The following PREX2 variants were observed in gnomAD, a reference collection of about 807,000 sequenced individuals.
PREX2 encodes the protein phosphatidylinositol 3,4,5-trisphosphate-dependent Rac exchanger 2 protein.
PREX2 carries 107 observed loss-of-function variants against 203.2 expected under a neutral mutation model. That is an observed-to-expected ratio of 0.53 (90% CI 0.45 to 0.62). The LOEUF (loss-of-function observed/expected upper bound fraction) is 0.62. Ranked by LOEUF, PREX2 falls within the 20% of genes least tolerant of loss-of-function variation. The pLI is 0.00. For synonymous variants in PREX2, 672 were observed against 663.6 expected (o/e 1.01, Z -0.19); for missense variants, 1,777 against 1,955.9 (o/e 0.91, Z 1.72).
At chr8:67,965,541 A>C (rs943378016) in intron 1 of PREX2, among the ~76,000 whole-genome samples, 1 of 152,004 alleles carries the variant, frequency 6.6e-6, no homozygotes, top group African/African-American at 2.4e-5. Flanking sequence ...GTATATGTAT[A>C]TATATACACA....
At chr8:67,955,170 A>AAAAAAAT (rs1554556251) in intron 1 of PREX2, among the ~76,000 whole-genome samples, 52 of 139,472 alleles carry the variant, frequency 3.7e-4, no homozygotes, top group African/African-American at 7.7e-4. Context: ...AAAAAAAAAA[A>AAAAAAAT]AGAAATCATA....
chr8:68,080,215 T>TA lies in PREX2; in HGVS notation c.1643-222dup, dbSNP rs558149746. On this transcript the variant is annotated intron_variant, in intron 15 of 39. Coordinates refer to ENST00000288368, the MANE Select transcript of PREX2 (RefSeq NM_024870.4). ...GCCTTAGAAGAAATACTATTTGTTT[T>TA]AAAAAATTCAAAATCCTGTGGGTAA... Among the ~76,000 whole-genome samples, 24 of 152,134 alleles carry TA rather than the reference T, an allele frequency of 1.6e-4. No individual in the cohort carries two copies. In the East Asian group the frequency reaches 4.6e-3, roughly 29 times the overall value.
chr8:68,165,206 A>C (rs1043907631), intron 35 of PREX2, among the ~76,000 whole-genome samples: 1 of 152,156 alleles, frequency 6.6e-6, no homozygotes, highest in Non-Finnish European at 1.5e-5. Flanking sequence ...CAACATCAGC[A>C]TCAATAATTC....
chr8:67,978,885 T>C (rs1232753350), intron 1 of PREX2, among the ~76,000 whole-genome samples: 1 of 152,220 alleles, frequency 6.6e-6, no homozygotes, highest in African/African-American at 2.4e-5. Context: ...AAATATATGC[T>C]GATTGATCAC....
rs187682436 is a variant in PREX2, at chr8:68,028,742, T to A, written c.543+1419T>A. ...CATGTGTACTCATAACTGCAGTTAT[T>A]CCTGACCCTGATTTTGGAATCCCAG... is the stretch of plus-strand genomic sequence containing the variant. On this transcript the variant is annotated intron_variant, in intron 5 of 39. Transcript: ENST00000288368. 4.6e-5 allele frequency among the ~76,000 whole-genome samples: 7 copies of A among 152,156 alleles called. No homozygotes were observed. In the East Asian group the frequency reaches 1.4e-3, roughly 29 times the overall value.
chr8:68,138,427 G>A lies in PREX2; in HGVS notation c.3997G>A (p.Ala1333Thr). The change falls in exon 33 of 40, where the codon GCC becomes ACC. Residue 1333 changes from alanine to threonine, a missense_variant. Ala to Thr is a moderately conservative substitution (Grantham distance 58, BLOSUM62 0). Coordinates refer to ENST00000288368, the MANE Select transcript of PREX2 (RefSeq NM_024870.4). ...TCTTTCTTTGTAGACAGATGAACAA[G>A]CCATGTTAGAAGATACACTGGTTGC... ...LLSPNLTDEQ[A>T]MLEDTLVALF... 5 of 1,583,510 alleles carry A rather than the reference G, an allele frequency of 3.2e-6. No individual in the cohort carries two copies. Among genetic ancestry groups the A allele is most frequent in the Non-Finnish European group, 4.3e-6 (5 of 1,159,616 alleles).
intron 1 of PREX2, among the ~76,000 whole-genome samples, chr8:67,969,411 A>G (rs999288624): frequency 3.9e-5 from 6 of 152,200 alleles, no homozygotes; most frequent in African/African-American, 1.4e-4. Context: ...TTTCTCATGC[A>G]GGAGCCTCTG....
At chr8:67,954,379 A>G (rs891828572) in intron 1 of PREX2, among the ~76,000 whole-genome samples, 3 of 152,222 alleles carry the variant, frequency 2.0e-5, no homozygotes, top group African/African-American at 4.8e-5. Flanking sequence ...TATTTATAAT[A>G]GATTATTAGA....
chr8:68,192,389 A>G lies in PREX2; in HGVS notation c.4468A>G (p.Ile1490Val), dbSNP rs754361405. The G allele has an allele frequency of 5.0e-6, 8 of 1,613,344 alleles. No individual in the cohort carries two copies. The highest frequency in any genetic ancestry group is 5.1e-6 in the Non-Finnish European group (6 of 1,179,628). ...DELYRLVASF[I>V]RSKRTAACAN... ...ACTTTACCGACTGGTAGCCTCGTTT[A>G]TCAGATCCAAGCGCACAGCTGCCTG... The change falls in exon 37 of 40, where the codon ATC becomes GTC. Residue 1490 changes from isoleucine to valine, a missense_variant. Ile to Val is a conservative substitution (Grantham distance 29). Coordinates refer to ENST00000288368, the MANE Select transcript of PREX2 (RefSeq NM_024870.4).
At chr8:67,966,365 C>T (rs1484311466) in intron 1 of PREX2, among the ~76,000 whole-genome samples, 1 of 151,894 alleles carries the variant, frequency 6.6e-6, no homozygotes, top group Non-Finnish European at 1.5e-5. Flanking sequence ...ATTCAAAGTT[C>T]CAACTCCTCT....
rs1811564133 is a variant in PREX2 at position 68,157,504 on chromosome 8, T to C, written c.4346+68T>C. On this transcript the variant is annotated intron_variant, in intron 35 of 39. Coordinates refer to ENST00000288368, the MANE Select transcript of PREX2 (RefSeq NM_024870.4). ...TGATAGAAATGTATTAATAGGACTT[T>C]TGATGCTATTTATCATATTAGATTA... The C allele has an allele frequency of 1.7e-5, 12 of 725,418 alleles. No individual in the cohort carries two copies. The Admixed American group carries it at 2.7e-4, about 16-fold the overall frequency. 44.9% of individuals were successfully genotyped at this position (725,418 alleles called of 1,614,324 possible).
intron 18 of PREX2, among the ~76,000 whole-genome samples, chr8:68,083,798 A>T (rs1399696473): frequency 6.6e-6 from 1 of 152,202 alleles, no homozygotes; most frequent in Non-Finnish European, 1.5e-5. Context: ...AAGAGATGCA[A>T]AAAAGACTGA....
At chr8:67,963,536 T>C (rs960975359) in intron 1 of PREX2, among the ~76,000 whole-genome samples, 3 of 152,210 alleles carry the variant, frequency 2.0e-5, no homozygotes, top group African/African-American at 7.2e-5. Context: ...CTTTGTCTAA[T>C]ATTTTTAGTT....
intron 1 of PREX2, among the ~76,000 whole-genome samples, chr8:67,977,734 A>G (rs901770444): frequency 6.6e-6 from 1 of 152,112 alleles, no homozygotes; most frequent in Non-Finnish European, 1.5e-5. Context: ...CAATGATTTA[A>G]TCAATTGTGT....
chr8:68,108,052 G>T (rs1810453628), intron 23 of PREX2, 57 bp from the exon 24 acceptor site: 22 of 1,154,450 alleles, frequency 1.9e-5, no homozygotes, highest in Non-Finnish European at 2.6e-5. Flanking sequence ...GTGAAAAAAA[G>T]ATGCCTGAGT....
chr8:67,997,666 T>A (rs1806806410), intron 1 of PREX2, among the ~76,000 whole-genome samples: 1 of 152,186 alleles, frequency 6.6e-6, no homozygotes, highest in South Asian at 2.1e-4. Context: ...AATACTGATA[T>A]TTGATTGGGC....
Position 68,181,928 on chromosome 8 carries a change from G to A in PREX2, c.4347-9794G>A, listed in dbSNP as rs978116526. 8.5e-5 allele frequency among the ~76,000 whole-genome samples: 13 copies of A among 152,096 alleles called. No individual in the cohort carries two copies. The East Asian group carries it at 1.2e-3, about 14-fold the overall frequency. On this transcript the variant is annotated intron_variant, in intron 35 of 39. Transcript: ENST00000288368. ...AATAAAAATGTCAACAAATCCTTACGTCACAGCAGATACTGAAGCAGCAGA... is the reference window on the plus strand; with the variant it reads ...AATAAAAATGTCAACAAATCCTTACATCACAGCAGATACTGAAGCAGCAGA...
intron 18 of PREX2, among the ~76,000 whole-genome samples, chr8:68,086,736 C>G (rs1809706321): frequency 6.6e-6 from 1 of 152,060 alleles, no homozygotes; most frequent in Non-Finnish European, 1.5e-5. Flanking sequence ...TTTCCCATCT[C>G]TTCATAATCT....
Position 68,092,278 on chromosome 8 carries a change from C to T in PREX2, c.2251-1327C>T, listed in dbSNP as rs575611631. Among the ~76,000 whole-genome samples the T allele has an allele frequency of 1.6e-4, 25 of 152,144 alleles. 1 individual carries two copies. The East Asian group carries it at 3.3e-3, about 20-fold the overall frequency. ...CCCAGGGTCAATGTGGGAAACTAAG[C>T]GGTGCGGCTCATTGGTGGCCACAAC... On this transcript the variant is annotated intron_variant, in intron 20 of 39. Coordinates refer to ENST00000288368, the MANE Select transcript of PREX2 (RefSeq NM_024870.4).
Sources: allele counts gnomAD v4.1 joint callset (sites outside exome capture counted in the v4.1 genomes callset), GRCh38; gene constraint gnomAD v4.1.1; transcripts MANE v1.5; gene names NCBI Gene and HGNC (gene_info 2026-07-23, HGNC 2026-07-21).